METTL16: variants seen among roughly 807,000 people sequenced by gnomAD.
The protein encoded by METTL16 is RNA N(6)-adenosine-methyltransferase METTL16.
METTL16 carries 19 observed loss-of-function variants against 57.9 expected under a neutral mutation model. The ratio of observed to expected loss-of-function variants is 0.33; its 90% CI spans 0.23 to 0.48. METTL16 has a LOEUF of 0.48. Ranked by LOEUF, METTL16 falls within the 20% of genes least tolerant of loss-of-function variation. The pLI, the probability that METTL16 is intolerant of heterozygous loss-of-function variation, is 0.99. For missense variants in METTL16, 434 were observed against 691.5 expected (o/e 0.63, Z 4.18); for synonymous variants, 246 against 255.6 (o/e 0.96, Z 0.36).
At chr17:2,448,801 T>TAAA (rs1567889993) in intron 6 of METTL16, among the ~76,000 whole-genome samples, 5 of 47,420 alleles carry the variant, frequency 1.1e-4, no homozygotes, top group African/African-American at 5.7e-4. Flanking sequence ...AAAATAAAAT[T>TAAA]TAAAAAAAAA....
intron 7 of METTL16, among the ~76,000 whole-genome samples, chr17:2,439,998 G>T (rs541375959): frequency 6.6e-6 from 1 of 152,230 alleles, no homozygotes; most frequent in Admixed American, 6.5e-5. Context: ...ACCAGCCTGG[G>T]CAATACAGCA....
chr17:2,463,966 C>A (rs754206010), intron 6 of METTL16, among the ~76,000 whole-genome samples: 6 of 151,756 alleles, frequency 4.0e-5, no homozygotes, highest in African/African-American at 1.5e-4. Context: ...CTTGTCTCTA[C>A]TAGAAATACA....
At chr17:2,474,386 G>GAAAAAAAAAAAAAAA (rs752477163) in intron 3 of METTL16, among the ~76,000 whole-genome samples, 57 of 60,076 alleles carry the variant, frequency 9.5e-4, no homozygotes, top group Non-Finnish European at 1.5e-3. Flanking sequence ...GAAACAAAAA[G>GAAAAAAAAAAAAAAA]AAAAAAAAAA....
rs1260470341 is a variant in METTL16, at chr17:2,456,692, C to T, written c.728+7516G>A. ...CTATGTTGCCCAGGCTGGTCTTGAA[C>T]TCCTGGCCTGAAGCCATCCTCCAGC... On this transcript the variant is annotated intron_variant, in intron 6 of 9. Transcript: ENST00000263092. 1.3e-5 allele frequency among the ~76,000 whole-genome samples: 2 copies of T among 152,132 alleles called. 1 individual carries two copies.
intron 1 of METTL16, among the ~76,000 whole-genome samples, chr17:2,507,206 G>A (rs2151582267): frequency 6.7e-6 from 1 of 148,242 alleles, no homozygotes; most frequent in Non-Finnish European, 1.5e-5. Context: ...AGGTGAGGGG[G>A]TCAGCCCCCC....
chr17:2,430,464 G>A (rs7224940), intron 8 of METTL16, among the ~76,000 whole-genome samples: 119,415 of 140,318 alleles, frequency 0.85, 51,193 homozygotes, highest in East Asian at 1. Flanking sequence ...CGCCCAGGCT[G>A]GAGTGCAGTG....
intron 2 of METTL16, among the ~76,000 whole-genome samples, chr17:2,497,305 CTTTTTTTT>C (rs781130501): frequency 1.6e-5 from 1 of 63,788 alleles, no homozygotes; most frequent in Non-Finnish European, 2.7e-5. Flanking sequence ...TGCACCCGGC[CTTTTTTTT>C]TTTTTTTTTT....
At chr17:2,498,879 C>A (rs1364410487) in intron 2 of METTL16, among the ~76,000 whole-genome samples, 2 of 151,572 alleles carry the variant, frequency 1.3e-5, no homozygotes, top group African/African-American at 4.9e-5. Context: ...CCCCAGCCCA[C>A]CTCCTCCTGT....
chr17:2,466,369 TTGCTG>T (rs1448131238), intron 5 of METTL16, among the ~76,000 whole-genome samples: 1 of 152,088 alleles, frequency 6.6e-6, no homozygotes, highest in Non-Finnish European at 1.5e-5. Flanking sequence ...CCTCTAAATA[TTGCTG>T]TACCACAAGT....
rs764347233 is a variant in METTL16, at chr17:2,426,466, C to T, written c.889-5562G>A. Among the ~76,000 whole-genome samples, 181 of 152,100 alleles carry T rather than the reference C, an allele frequency of 1.2e-3. 2 individuals are homozygous for T. The highest frequency in any genetic ancestry group is 9.2e-4 in the Admixed American group (14 of 15,266). On this transcript the variant is annotated intron_variant, in intron 8 of 9. Transcript: ENST00000263092. Reference sequence around the variant, plus strand: ...AAAATAGCAGCCGGGTGCCATGGCTCACGCCTGTAATCCCAGCACTTTGGG... The same window carrying T: ...AAAATAGCAGCCGGGTGCCATGGCTTACGCCTGTAATCCCAGCACTTTGGG...
At chr17:2,465,753 C>A (rs961073914) in intron 5 of METTL16, among the ~76,000 whole-genome samples, 1 of 151,590 alleles carries the variant, frequency 6.6e-6, no homozygotes, top group Non-Finnish European at 1.5e-5. Flanking sequence ...GGAGTCCCAG[C>A]AACTCAGGAG....
At chr17:2,485,619 CAGAAT>C (rs1322608849) in intron 2 of METTL16, among the ~76,000 whole-genome samples, 17 of 152,260 alleles carry the variant, frequency 1.1e-4, no homozygotes, top group South Asian at 2.1e-4. Context: ...CTGAGGTATA[CAGAAT>C]AGGTCAGAAT....
intron 6 of METTL16, among the ~76,000 whole-genome samples, chr17:2,454,319 C>T (rs2067092650): frequency 6.6e-6 from 1 of 152,016 alleles, no homozygotes; most frequent in African/African-American, 2.4e-5. Flanking sequence ...CAATTATGAA[C>T]CTTACCTAAA....
chr17:2,442,098 A>G (rs2066957076), intron 6 of METTL16, among the ~76,000 whole-genome samples: 2 of 152,244 alleles, frequency 1.3e-5, no homozygotes, highest in Non-Finnish European at 2.9e-5. Flanking sequence ...GAACTGATTA[A>G]AAGGTAAAGG....
chr17:2,505,701 C>G (rs1257358631), intron 1 of METTL16, among the ~76,000 whole-genome samples: 6 of 152,022 alleles, frequency 3.9e-5, no homozygotes. Flanking sequence ...TTACAGTAGC[C>G]TCTTAATTGG....
Position 2,486,353 on chromosome 17 carries a change from C to T in METTL16, c.129-8468G>A, listed in dbSNP as rs536498089. 5.9e-5 allele frequency among the ~76,000 whole-genome samples: 9 copies of T among 151,802 alleles called. No homozygotes were observed. In the East Asian group the frequency reaches 1.7e-3, roughly 29 times the overall value. On this transcript the variant is annotated intron_variant, in intron 2 of 9. Coordinates refer to ENST00000263092, the MANE Select transcript of METTL16 (RefSeq NM_024086.4). ...ATGGCGAGATCTCGGCTCATTGCAA[C>T]TTACGCCTCCCGGGTTCAAGCAATT...
intron 6 of METTL16, among the ~76,000 whole-genome samples, chr17:2,455,667 A>G (rs2067104789): frequency 6.6e-6 from 1 of 152,214 alleles, no homozygotes; most frequent in South Asian, 2.1e-4. Flanking sequence ...TGAAATGCAT[A>G]TAACCTAATT....
At chr17:2,436,764 G>C (rs117058497) in intron 8 of METTL16, 2,322 of 137,456 alleles carry the variant, frequency 0.017, 25 homozygotes, top group Middle Eastern at 0.03. Flanking sequence ...AGAAGCAACA[G>C]ATGCTGTTCT....
At chr17:2,496,252 T>C (rs983103156) in intron 2 of METTL16, among the ~76,000 whole-genome samples, 2 of 151,726 alleles carry the variant, frequency 1.3e-5, no homozygotes, top group African/African-American at 4.9e-5. Flanking sequence ...TCTCTGTATA[T>C]TTCTGTCTAC....
Sources: gnomAD v4.1 joint callset for allele counts (sites outside exome capture counted in the v4.1 genomes callset) on GRCh38, gnomAD v4.1.1 for gene constraint, MANE v1.5 for transcripts, NCBI Gene and HGNC (gene_info 2026-07-23, HGNC 2026-07-21) for gene names.